The following PTPN4 variants were observed in gnomAD, a reference collection of about 807,000 sequenced individuals.
PTPN4 encodes the protein protein tyrosine phosphatase non-receptor type 4.
PTPN4 carries 49 observed loss-of-function variants against 135.5 expected under a neutral mutation model. The ratio of observed to expected loss-of-function variants is 0.36; its 90% CI spans 0.29 to 0.46. The LOEUF (loss-of-function observed/expected upper bound fraction) is 0.46, where lower values mean the gene tolerates loss of function less well. Among genes scored for constraint, PTPN4 ranks in the 20% least tolerant of loss-of-function variants. The probability of loss-of-function intolerance (pLI) is 1.00; values close to 1 mark genes in which losing one functional copy is unlikely to be tolerated. For synonymous variants in PTPN4, 333 were observed against 369.9 expected (o/e 0.90, Z 1.14); for missense variants, 860 against 1,101.0 (o/e 0.78, Z 3.10).
chr2:119,867,285 T>G (rs1240606596), intron 3 of PTPN4, among the ~76,000 whole-genome samples: 5 of 152,032 alleles, frequency 3.3e-5, no homozygotes, highest in Admixed American at 3.3e-4. Context: ...TAATAGACAG[T>G]TGGGAGATTG....
intron 2 of PTPN4, among the ~76,000 whole-genome samples, chr2:119,856,075 A>G (rs1315088400): frequency 1.3e-5 from 2 of 152,100 alleles, no homozygotes; most frequent in Non-Finnish European, 2.9e-5. Flanking sequence ...AAGTGCTGGT[A>G]TTACAGGCAT....
intron 1 of PTPN4, among the ~76,000 whole-genome samples, chr2:119,808,614 G>A (rs796415860): frequency 9.6e-4 from 146 of 152,218 alleles, no homozygotes; most frequent in African/African-American, 3.3e-3. Flanking sequence ...TGTAGAAACA[G>A]GGCCTCCCTG....
rs1439130502 is a variant in PTPN4 at position 119,934,878 on chromosome 2, T to C, written c.1275T>C (p.His425=). ...GTCATTTGGTAGACCATATGGTTCA[T>C]ACTTCCCCAAGCGAAGTGTTTGTAA... ...SVGHLVDHMV[H]TSPSEVFVNQ... The change falls in exon 15 of 27, where the codon CAT becomes CAC. Residue 425 remains histidine, a synonymous_variant. Transcript: ENST00000263708. 6.2e-7 allele frequency: 1 copy of C among 1,613,502 alleles called. No individual in the cohort carries two copies. Among genetic ancestry groups the C allele is most frequent in the Non-Finnish European group, 8.5e-7 (1 of 1,179,384 alleles).
chr2:119,779,992 C>T (rs1158145360), intron 1 of PTPN4, among the ~76,000 whole-genome samples: 2 of 152,154 alleles, frequency 1.3e-5, no homozygotes, highest in Non-Finnish European at 2.9e-5. Context: ...GAACTCTGCC[C>T]TCCTTGGCCT....
chr2:119,960,287 C>A (rs1679348117), intron 22 of PTPN4, among the ~76,000 whole-genome samples: 1 of 152,142 alleles, frequency 6.6e-6, no homozygotes, highest in Non-Finnish European at 1.5e-5. Flanking sequence ...TACTATCTTA[C>A]CTCTTTCTGA....
At chr2:119,942,166 C>T (rs882390) in intron 15 of PTPN4, among the ~76,000 whole-genome samples, 93,989 of 152,046 alleles carry the variant, frequency 0.62, 30,509 homozygotes, top group East Asian at 0.82. Flanking sequence ...ATCATAATTG[C>T]GCAATAAAAA....
chr2:119,940,706 A>C (rs1047878238), intron 15 of PTPN4, among the ~76,000 whole-genome samples: 1 of 152,108 alleles, frequency 6.6e-6, no homozygotes, highest in Non-Finnish European at 1.5e-5. Flanking sequence ...AGAGCCATCA[A>C]TTTCTGGCAC....
rs140647696 is a variant in PTPN4 at position 119,969,287 on chromosome 2, A to G, written c.2694+1315A>G. ...CTCAGCCTCCCAAAGTGTTGGGATT[A>G]CAGGCATGAGTCACCATGCTCAGCT... On this transcript the variant is annotated intron_variant, in intron 26 of 26. Transcript: ENST00000263708. Among the ~76,000 whole-genome samples, 544 of 152,266 alleles carry G rather than the reference A, an allele frequency of 3.6e-3. 3 individuals are homozygous for G. The highest frequency in any genetic ancestry group is 0.013 in the African/African-American group (523 of 41,564).
intron 10 of PTPN4, among the ~76,000 whole-genome samples, chr2:119,904,087 A>C (rs543052545): frequency 2.2e-4 from 34 of 152,348 alleles, no homozygotes; most frequent in Admixed American, 3.9e-4. Context: ...ATCAACGTAT[A>C]AGGACAGAAG....
In PTPN4 at chr2:119,805,731, T is replaced by A. The variant is rs180969015; in HGVS notation, c.-17-4106T>A. On this transcript the variant is annotated intron_variant, in intron 1 of 26. Coordinates refer to ENST00000263708, the MANE Select transcript of PTPN4 (RefSeq NM_002830.4). ...AGATAGTGTGATGCCTCCAGCTTTG[T>A]TCTTTTTGCTTAGGATTGTCTTGGC... is the stretch of plus-strand genomic sequence containing the variant. Among the ~76,000 whole-genome samples, 492 of 152,328 alleles carry A rather than the reference T, an allele frequency of 3.2e-3. 2 individuals are homozygous for A. Among genetic ancestry groups the A allele is most frequent in the African/African-American group, 0.011 (465 of 41,574 alleles).
At chr2:119,784,813 T>C (rs1459205746) in intron 1 of PTPN4, among the ~76,000 whole-genome samples, 2 of 150,450 alleles carry the variant, frequency 1.3e-5, no homozygotes, top group South Asian at 4.2e-4. Context: ...GCTAAGATTA[T>C]AGGCGTGAGC....
chr2:119,853,135 A>G (rs1365670294), intron 2 of PTPN4, among the ~76,000 whole-genome samples: 2 of 152,138 alleles, frequency 1.3e-5, no homozygotes, highest in Non-Finnish European at 2.9e-5. Context: ...AGTCAATCCT[A>G]TTAGTTAATA....
At chr2:119,782,180 G>GC (rs1690951710) in intron 1 of PTPN4, among the ~76,000 whole-genome samples, 4 of 152,084 alleles carry the variant, frequency 2.6e-5, no homozygotes, top group Admixed American at 1.3e-4. Context: ...ACTTTGGGAG[G>GC]CCAAAGCGGG....
intron 10 of PTPN4, among the ~76,000 whole-genome samples, chr2:119,908,774 A>G (rs1678526201): frequency 6.6e-6 from 1 of 152,220 alleles, no homozygotes; most frequent in South Asian, 2.1e-4. Context: ...ACCAACAGCT[A>G]GGCCTCTTGC....
At chr2:119,964,315 AACTGGCAG>A (rs2105060942) in intron 24 of PTPN4, among the ~76,000 whole-genome samples, 1 of 152,332 alleles carries the variant, frequency 6.6e-6, no homozygotes, top group South Asian at 2.1e-4. Flanking sequence ...TGAATGCTGT[AACTGGCAG>A]AGTCAAGATT....
chr2:119,791,258 T>G (rs1348175635), intron 1 of PTPN4: 1 of 151,810 alleles, frequency 6.6e-6, no homozygotes, highest in African/African-American at 2.4e-5. Flanking sequence ...GCCTCCCGAG[T>G]AGCTGGGACT....
intron 1 of PTPN4, among the ~76,000 whole-genome samples, chr2:119,783,242 CTG>C (rs1690977861): frequency 6.6e-6 from 1 of 152,122 alleles, no homozygotes; most frequent in South Asian, 2.1e-4. Context: ...GTTAGAAAAA[CTG>C]GGGTATGCTA....
chr2:119,930,779 G>C (rs911913310), intron 13 of PTPN4, among the ~76,000 whole-genome samples: 1 of 151,222 alleles, frequency 6.6e-6, no homozygotes, highest in African/African-American at 2.4e-5. Flanking sequence ...AAGTTTTAAT[G>C]TAATCAGATG....
At chr2:119,808,692 A>G (rs1156810826) in intron 1 of PTPN4, among the ~76,000 whole-genome samples, 1 of 152,160 alleles carries the variant, frequency 6.6e-6, no homozygotes, top group Admixed American at 6.6e-5. Context: ...CGTTGGGATT[A>G]CAGTCATGAG....
Sources: allele counts gnomAD v4.1 joint callset (sites outside exome capture counted in the v4.1 genomes callset), GRCh38; gene constraint gnomAD v4.1.1; transcripts MANE v1.5; gene names NCBI Gene and HGNC (gene_info 2026-07-23, HGNC 2026-07-21).